CHD7: variants seen among roughly 807,000 people sequenced by gnomAD.
CHD7 encodes the protein ATP-dependent chromatin remodeler CHD7.
CHD7 carries 24 observed loss-of-function variants against 307.3 expected under a neutral mutation model. The ratio of observed to expected loss-of-function variants is 0.08; its 90% CI spans 0.06 to 0.11. The LOEUF is 0.11. CHD7 is among the 10% of genes least tolerant of loss of function. The pLI is 1.00. For synonymous variants in CHD7, 1,363 were observed against 1,349.9 expected (o/e 1.01, Z -0.21); for missense variants, 3,106 against 3,727.1 (o/e 0.83, Z 4.34).
chr8:60,736,726 A>G (rs1421590149), intron 1 of CHD7, among the ~76,000 whole-genome samples: 2 of 152,226 alleles, frequency 1.3e-5, no homozygotes, highest in Non-Finnish European at 2.9e-5. Flanking sequence ...TTGGCTGTTT[A>G]TCAAAAAAGT....
intron 1 of CHD7, among the ~76,000 whole-genome samples, chr8:60,683,597 TAGAG>T (rs1805737183): frequency 6.6e-6 from 1 of 152,222 alleles, no homozygotes; most frequent in Admixed American, 6.5e-5. Context: ...GTGAGGACCT[TAGAG>T]AGCTAGTTGA....
intron 1 of CHD7, among the ~76,000 whole-genome samples, chr8:60,713,006 C>G (rs536514165): frequency 1.4e-5 from 2 of 145,376 alleles, no homozygotes; most frequent in Non-Finnish European, 3.0e-5. Flanking sequence ...GCCGAGATTG[C>G]GCCACTGCAC....
chr8:60,762,236 C>T (rs1810249440), intron 2 of CHD7, among the ~76,000 whole-genome samples: 1 of 152,194 alleles, frequency 6.6e-6, no homozygotes, highest in Non-Finnish European at 1.5e-5. Context: ...TTTAGTTCTT[C>T]ACAACCTTTT....
intron 13 of CHD7, among the ~76,000 whole-genome samples, chr8:60,827,766 A>G (rs577614052): frequency 6.7e-4 from 102 of 151,962 alleles, no homozygotes; most frequent in Non-Finnish European, 8.4e-4. Context: ...TTCATCTAGT[A>G]TTTACTGAGC....
intron 2 of CHD7, among the ~76,000 whole-genome samples, chr8:60,768,913 G>A (rs889508176): frequency 6.6e-6 from 1 of 152,018 alleles, no homozygotes; most frequent in African/African-American, 2.4e-5. Context: ...ATGTGACTAA[G>A]TACATTCTTA....
chr8:60,768,968 A>C (rs995494529), intron 2 of CHD7, among the ~76,000 whole-genome samples: 1 of 152,256 alleles, frequency 6.6e-6, no homozygotes, highest in African/African-American at 2.4e-5. Context: ...TCAGAACATT[A>C]AGTATTTGTA....
rs145011148 is a variant in CHD7 at position 60,816,675 on chromosome 8, TC to T, written c.2613+176del. On this transcript the variant is annotated intron_variant, in intron 8 of 37. Coordinates refer to ENST00000423902, the MANE Select transcript of CHD7 (RefSeq NM_017780.4). Reference sequence around the variant, plus strand: ...TTGTAAACAGGAAATTTCTCATTCTTCCTGTTGCTTAGGCTAGAAGATATGG... The same window carrying T: ...TTGTAAACAGGAAATTTCTCATTCTTCTGTTGCTTAGGCTAGAAGATATGG... Among the ~76,000 whole-genome samples, 266 of 152,348 alleles carry T rather than the reference TC, an allele frequency of 1.7e-3. 1 individual carries two copies. The highest frequency in any genetic ancestry group is 5.5e-3 in the African/African-American group (227 of 41,576).
At chr8:60,760,210 G>A (rs750753724) in intron 2 of CHD7, among the ~76,000 whole-genome samples, 5 of 152,148 alleles carry the variant, frequency 3.3e-5, no homozygotes, top group African/African-American at 7.2e-5. Flanking sequence ...ATCTGAAGAC[G>A]GTGGAGGCCA....
At chr8:60,765,485 T>G (rs1197694887) in intron 2 of CHD7, among the ~76,000 whole-genome samples, 1 of 152,124 alleles carries the variant, frequency 6.6e-6, no homozygotes, top group Non-Finnish European at 1.5e-5. Flanking sequence ...CCTGGAGAGA[T>G]TGGGGAAGGC....
chr8:60,835,968 G>A (rs1804724808), intron 15 of CHD7, 105 bp from the exon 16 acceptor site: 1 of 759,968 alleles, frequency 1.3e-6, no homozygotes, highest in Admixed American at 2.3e-5. Context: ...CAGGAGTTTG[G>A]TGTTCTGGTT....
Position 60,852,171 on chromosome 8 carries a change from C to T in CHD7, c.5818C>T (p.Arg1940Cys), listed in dbSNP as rs752539596. Residue 1940 changes from arginine (R) to cysteine (C), a missense_variant, in exon 29 of 38, where the codon CGC (arginine) becomes TGC (cysteine). This residue lies in a region of CHD7 where 1,030 missense variants were observed against 1,165.4 expected (regional missense o/e 0.88). Coordinates refer to ENST00000423902, the MANE Select transcript of CHD7 (RefSeq NM_017780.4). The part of the protein sequence containing the change: ...RQEALMKTDR[R>C]RRRPREEVRA... ...AGAGGCCCTAATGAAGACTGACCGG[C>T]GCAGACGGCGGCCTCGAGAGGAAGT... 6.2e-6 allele frequency: 10 copies of T among 1,613,718 alleles called. No individual in the cohort carries two copies. The highest frequency in any genetic ancestry group is 5.5e-5 in the South Asian group (5 of 91,086).
intron 1 of CHD7, chr8:60,679,566 G>A (rs1805469764): frequency 6.7e-6 from 1 of 148,226 alleles, no homozygotes; most frequent in African/African-American, 2.4e-5. Context: ...AGGAAAAGTT[G>A]GGCTCCAACT....
intron 5 of CHD7, among the ~76,000 whole-genome samples, chr8:60,801,301 C>T (rs1812299342): frequency 6.6e-6 from 1 of 152,032 alleles, no homozygotes; most frequent in South Asian, 2.1e-4. Flanking sequence ...TAGGCTGGTC[C>T]ACGTAATTAA....
intron 1 of CHD7, among the ~76,000 whole-genome samples, chr8:60,685,652 A>G (rs929765485): frequency 6.6e-6 from 1 of 152,196 alleles, no homozygotes; most frequent in Non-Finnish European, 1.5e-5. Flanking sequence ...AAGAATACCA[A>G]TGTTTATCAG....
intron 1 of CHD7, among the ~76,000 whole-genome samples, chr8:60,679,304 C>T (rs972059252): frequency 6.8e-6 from 1 of 146,366 alleles, no homozygotes; most frequent in African/African-American, 2.5e-5. Context: ...CCGCGGGGCC[C>T]GAACCCGCGC....
intron 14 of CHD7, 81 bp downstream of exon 14, chr8:60,828,887 A>C: frequency 7.6e-7 from 1 of 1,315,146 alleles, no homozygotes; most frequent in Non-Finnish European, 1.1e-6. Context: ...AGTTATTTTA[A>C]AGTGTGATTA....
intron 23 of CHD7, among the ~76,000 whole-genome samples, chr8:60,847,979 G>A (rs1041419257): frequency 1.3e-5 from 2 of 152,054 alleles, no homozygotes; most frequent in Non-Finnish European, 2.9e-5. Flanking sequence ...TCCTTTCTCG[G>A]AAGCAAAGTT....
chr8:60,705,819 ACTC>A (rs1019181105), intron 1 of CHD7, among the ~76,000 whole-genome samples: 1 of 152,178 alleles, frequency 6.6e-6, no homozygotes, highest in African/African-American at 2.4e-5. Flanking sequence ...TTTTATATCA[ACTC>A]CTATGAATTG....
chr8:60,866,771 T>A lies in CHD7; in HGVS notation c.*838T>A, dbSNP rs1563676234. 6.5e-6 allele frequency: 1 copy of A among 152,672 alleles called. No individual in the cohort carries two copies. Among genetic ancestry groups the A allele is most frequent in the East Asian group, 1.9e-4 (1 of 5,208 alleles). The allele number at this position is 152,672 out of a possible 1,614,324, so 9.5% of individuals were successfully genotyped here. A position where few individuals can be genotyped will look rare whatever the true frequency, so the allele number is the denominator to read the frequency against. ...GTTTACAGACATGACTTTGTAAATG[T>A]ATTGTTTTTCTTTGTTGTGATGTCC... On this transcript the variant is annotated 3_prime_UTR_variant, in exon 38 of 38. Transcript: ENST00000423902.
Sources: gnomAD v4.1 joint callset for allele counts (sites outside exome capture counted in the v4.1 genomes callset) on GRCh38, gnomAD v4.1.1 for gene constraint, gnomAD v4.1.1 regional missense constraint, MANE v1.5 for transcripts, NCBI Gene and HGNC (gene_info 2026-07-23, HGNC 2026-07-21) for gene names.